The following UBE3D variants were observed in gnomAD, a reference collection of about 807,000 sequenced individuals.
UBE3D encodes the protein E3 ubiquitin-protein ligase E3D.
Under a neutral mutation model 49.6 loss-of-function variants are expected in UBE3D, and 48 were observed. That is an observed-to-expected ratio of 0.97 (90% CI 0.77 to 1.23). The LOEUF (loss-of-function observed/expected upper bound fraction) is 1.23. Ranked by LOEUF, UBE3D falls within the 50% of genes most tolerant of loss-of-function variation. The pLI is 0.00. For synonymous variants in UBE3D, 189 were observed against 174.2 expected (o/e 1.08, Z -0.67); for missense variants, 452 against 468.4 (o/e 0.96, Z 0.32).
At chr6:82,919,058 C>G (rs2127733401) in intron 9 of UBE3D, among the ~76,000 whole-genome samples, 1 of 152,100 alleles carries the variant, frequency 6.6e-6, no homozygotes, top group African/African-American at 2.4e-5. Flanking sequence ...CAGATTCATT[C>G]ACAAAAGCAT....
chr6:82,978,471 C>T (rs1777884245), intron 8 of UBE3D, among the ~76,000 whole-genome samples: 1 of 152,088 alleles, frequency 6.6e-6, no homozygotes, highest in South Asian at 2.1e-4. Flanking sequence ...GAAAAGTTTT[C>T]ATTTTTAATA....
intron 8 of UBE3D, among the ~76,000 whole-genome samples, chr6:82,972,432 G>T (rs1426239284): frequency 6.6e-6 from 1 of 152,182 alleles, no homozygotes; most frequent in Non-Finnish European, 1.5e-5. Flanking sequence ...TCCATGGGAA[G>T]AGATGAGAAT....
intron 8 of UBE3D, among the ~76,000 whole-genome samples, chr6:82,999,221 TCTC>T (rs1217316665): frequency 1.3e-5 from 2 of 152,130 alleles, no homozygotes; most frequent in African/African-American, 4.8e-5. Flanking sequence ...CCAATACTGA[TCTC>T]CTTCTGTCCT....
intron 9 of UBE3D, among the ~76,000 whole-genome samples, chr6:82,939,900 TTC>T (rs952112018): frequency 2.6e-5 from 4 of 152,200 alleles, no homozygotes; most frequent in Non-Finnish European, 5.9e-5. Context: ...TCATCCCTGC[TTC>T]TCTCAATAAA....
chr6:82,984,509 C>A (rs944777500), intron 8 of UBE3D, among the ~76,000 whole-genome samples: 2 of 152,120 alleles, frequency 1.3e-5, no homozygotes, highest in African/African-American at 4.8e-5. Context: ...TTTTGTATAT[C>A]TACCAAAGTA....
the UBE3D span, among the ~76,000 whole-genome samples, chr6:82,882,346 A>C: frequency 1.3e-5 from 2 of 152,220 alleles, no homozygotes; most frequent in Non-Finnish European, 2.9e-5. Flanking sequence ...AAAAAAGGAG[A>C]AAAGAAAAGT....
At chr6:83,048,262 G>T (rs1324135553) in intron 3 of UBE3D, among the ~76,000 whole-genome samples, 1 of 152,022 alleles carries the variant, frequency 6.6e-6, no homozygotes, top group Non-Finnish European at 1.5e-5. Flanking sequence ...CTAAGGGGTA[G>T]GGACTTGGTA....
At chr6:82,947,892 A>C (rs1214959487) in intron 9 of UBE3D, among the ~76,000 whole-genome samples, 1 of 152,096 alleles carries the variant, frequency 6.6e-6, no homozygotes, top group East Asian at 1.9e-4. Context: ...GTTTATAACT[A>C]TAAGTGCCTA....
At chr6:82,923,749 T>G (rs1488126212) in intron 9 of UBE3D, among the ~76,000 whole-genome samples, 3 of 152,190 alleles carry the variant, frequency 2.0e-5, no homozygotes, top group Non-Finnish European at 4.4e-5. Context: ...GAACATCTGT[T>G]ACTTATCTAG....
intron 9 of UBE3D, among the ~76,000 whole-genome samples, chr6:82,907,051 A>C (rs144346220): frequency 2.0e-4 from 31 of 152,366 alleles, no homozygotes; most frequent in African/African-American, 7.5e-4. Flanking sequence ...CTAGGTAAAG[A>C]CATTCCTGTA....
At chr6:83,011,321 C>A (rs1236932071) in intron 8 of UBE3D, among the ~76,000 whole-genome samples, 1 of 152,068 alleles carries the variant, frequency 6.6e-6, no homozygotes, top group Non-Finnish European at 1.5e-5. Context: ...CTGGTCGTAG[C>A]TGGTATTGAT....
chr6:82,976,105 T>TA (rs940935737), intron 8 of UBE3D, among the ~76,000 whole-genome samples: 33 of 152,334 alleles, frequency 2.2e-4, no homozygotes, highest in African/African-American at 7.2e-4. Flanking sequence ...AGGAACAAGG[T>TA]AAAAAAGCCC....
the UBE3D span, among the ~76,000 whole-genome samples, chr6:82,884,413 A>T: frequency 6.6e-6 from 1 of 152,182 alleles, no homozygotes; most frequent in Admixed American, 6.5e-5. Flanking sequence ...TAAATGATGC[A>T]TACGGGCACT....
At position 83,014,533 on chromosome 6, in the gene UBE3D, A is replaced by C. The variant is rs1344632739; in HGVS notation, c.1010+4440T>G. 4.6e-5 allele frequency among the ~76,000 whole-genome samples: 7 copies of C among 152,174 alleles called. No homozygotes were observed. The East Asian group carries it at 1.2e-3, about 25-fold the overall frequency. On this transcript the variant is annotated intron_variant, in intron 8 of 9. Transcript: ENST00000369747. ...ACCCACTGTAAGTCAGACCTGAGCT[A>C]AAACTCCATCAATTACCTGACCTCC...
intron 5 of UBE3D, among the ~76,000 whole-genome samples, chr6:83,028,788 T>G (rs1186829109): frequency 1.3e-5 from 2 of 152,214 alleles, no homozygotes; most frequent in Non-Finnish European, 2.9e-5. Context: ...TATCATTTCT[T>G]GTACAGCAGG....
chr6:82,946,653 T>C (rs962647863), intron 9 of UBE3D, among the ~76,000 whole-genome samples: 1 of 152,108 alleles, frequency 6.6e-6, no homozygotes, highest in African/African-American at 2.4e-5. Flanking sequence ...TACTCTTAAG[T>C]AGAAAGACTA....
At chr6:82,905,851 T>G (rs1772063152) in intron 9 of UBE3D, among the ~76,000 whole-genome samples, 1 of 152,160 alleles carries the variant, frequency 6.6e-6, no homozygotes, top group South Asian at 2.1e-4. Flanking sequence ...ATTTCAAATG[T>G]TAATATATTC....
At chr6:82,887,962 G>A (rs1034827339), downstream of UBE3D, among the ~76,000 whole-genome samples, 2 of 152,136 alleles carry the variant, frequency 1.3e-5, no homozygotes, top group Non-Finnish European at 2.9e-5. Context: ...CCTAGGAAGA[G>A]GGGAAGAGGG....
chr6:82,935,801 A>T (rs1462403287), intron 9 of UBE3D, among the ~76,000 whole-genome samples: 1 of 152,314 alleles, frequency 6.6e-6, no homozygotes, highest in African/African-American at 2.4e-5. Context: ...AGAATTCTAT[A>T]CTTAGCTTAG....
Sources: allele counts gnomAD v4.1 joint callset (sites outside exome capture counted in the v4.1 genomes callset), GRCh38; gene constraint gnomAD v4.1.1; transcripts MANE v1.5; gene names NCBI Gene and HGNC (gene_info 2026-07-23, HGNC 2026-07-21).